The following ADAMTSL1 variants were observed in gnomAD, a reference collection of about 807,000 sequenced individuals.
ADAMTSL1 encodes the protein ADAMTS like 1.
ADAMTSL1 carries 126 observed loss-of-function variants against 201.8 expected under a neutral mutation model. That is an observed-to-expected ratio of 0.62 (90% confidence interval 0.54 to 0.72). The LOEUF (loss-of-function observed/expected upper bound fraction) is 0.72, where lower values mean the gene tolerates loss of function less well. Among genes scored for constraint, ADAMTSL1 ranks in the 30% least tolerant of loss-of-function variants. ADAMTSL1 has a pLI of 0.00. For missense variants in ADAMTSL1, 2,679 were observed against 2,277.8 expected (o/e 1.18, Z -3.59); for synonymous variants, 1,121 against 903.4 (o/e 1.24, Z -4.32).
intron 1 of ADAMTSL1, among the ~76,000 whole-genome samples, chr9:17,940,370 G>C (rs1309068366): frequency 6.6e-6 from 1 of 152,072 alleles, no homozygotes; most frequent in South Asian, 2.1e-4. Context: ...GGAACGGAAA[G>C]GACAAACTTC....
chr9:18,385,975 T>A (rs1359284785), intron 2 of ADAMTSL1, among the ~76,000 whole-genome samples: 3 of 152,200 alleles, frequency 2.0e-5, no homozygotes, highest in African/African-American at 4.8e-5. Flanking sequence ...CAGATGATAG[T>A]AATAATTTTA....
chr9:18,649,585 T>G lies in ADAMTSL1; in HGVS notation c.835-8054T>G, dbSNP rs555581476. Among the ~76,000 whole-genome samples the G allele has an allele frequency of 2.1e-3, 314 of 152,272 alleles. 3 individuals are homozygous for G. The highest frequency in any genetic ancestry group is 6.1e-3 in the African/African-American group (254 of 41,556). ...GTTTTTGGTGTGGATGTCCTTTCTG[T>G]TTGTTAGTTTTCCTTCTAACAGACA... On this transcript the variant is annotated intron_variant, in intron 7 of 28. Transcript: ENST00000380548.
intron 4 of ADAMTSL1, among the ~76,000 whole-genome samples, chr9:18,600,514 G>A (rs935907098): frequency 6.6e-5 from 10 of 152,136 alleles, no homozygotes; most frequent in African/African-American, 2.4e-4. Flanking sequence ...TTAAGCCCCT[G>A]AGAATCTATG....
chr9:18,474,753 C>A (rs1259990971), intron 1 of ADAMTSL1, among the ~76,000 whole-genome samples: 1 of 152,122 alleles, frequency 6.6e-6, no homozygotes, highest in Non-Finnish European at 1.5e-5. Flanking sequence ...ACTATGGAAC[C>A]AGGTAAAGAG....
At chr9:18,485,980 C>T (rs958978535) in intron 1 of ADAMTSL1, among the ~76,000 whole-genome samples, 5 of 152,214 alleles carry the variant, frequency 3.3e-5, no homozygotes, top group African/African-American at 1.2e-4. Context: ...TGTAAGGCTA[C>T]ATAGTTACTG....
intron 1 of ADAMTSL1, among the ~76,000 whole-genome samples, chr9:17,936,314 T>G (rs939592623): frequency 1.3e-5 from 2 of 152,172 alleles, no homozygotes; most frequent in African/African-American, 2.4e-5. Flanking sequence ...ATTTTTAAAT[T>G]ATGACTCTTT....
At chr9:18,893,660 G>A (rs145163445) in intron 26 of ADAMTSL1, among the ~76,000 whole-genome samples, 1 of 152,308 alleles carries the variant, frequency 6.6e-6, no homozygotes, top group East Asian at 1.9e-4. Flanking sequence ...ATTACAGATT[G>A]CAGACAAATA....
chr9:18,220,286 T>A (rs1011510567), intron 2 of ADAMTSL1, among the ~76,000 whole-genome samples: 2 of 152,194 alleles, frequency 1.3e-5, no homozygotes, highest in Non-Finnish European at 2.9e-5. Flanking sequence ...AGCTTATGTT[T>A]TTAAGTACAG....
intron 1 of ADAMTSL1, among the ~76,000 whole-genome samples, chr9:17,991,791 C>A (rs1206663524): frequency 6.6e-6 from 1 of 152,160 alleles, no homozygotes; most frequent in Non-Finnish European, 1.5e-5. Flanking sequence ...TTTCATGTAA[C>A]TTCCTCGATT....
chr9:18,614,550 G>A (rs1047826628), intron 4 of ADAMTSL1, among the ~76,000 whole-genome samples: 1 of 152,114 alleles, frequency 6.6e-6, no homozygotes, highest in Non-Finnish European at 1.5e-5. Context: ...GCAAACACTA[G>A]TTCACATTTC....
intron 2 of ADAMTSL1, among the ~76,000 whole-genome samples, chr9:18,459,320 T>C (rs1052585887): frequency 6.6e-6 from 1 of 152,192 alleles, no homozygotes; most frequent in African/African-American, 2.4e-5. Context: ...TTGTATTTCA[T>C]TGGTCAGACT....
chr9:18,336,984 G>A (rs1003878605), intron 2 of ADAMTSL1, among the ~76,000 whole-genome samples: 1 of 152,088 alleles, frequency 6.6e-6, no homozygotes, highest in East Asian at 1.9e-4. Context: ...AATGCAGTGG[G>A]TTACTGTGAT....
At chr9:18,630,853 G>A (rs533222990) in intron 5 of ADAMTSL1, among the ~76,000 whole-genome samples, 52 of 152,262 alleles carry the variant, frequency 3.4e-4, no homozygotes, top group African/African-American at 1.2e-3. Context: ...CTACGACAAT[G>A]CAGTTAAGCA....
At chr9:18,706,017 A>G (rs1832209779) in intron 13 of ADAMTSL1, among the ~76,000 whole-genome samples, 1 of 152,234 alleles carries the variant, frequency 6.6e-6, no homozygotes, top group Non-Finnish European at 1.5e-5. Context: ...AAGCAAGTTT[A>G]TTAAAGTAAA....
At chr9:18,767,517 G>A (rs971984180) in intron 16 of ADAMTSL1, among the ~76,000 whole-genome samples, 2 of 152,096 alleles carry the variant, frequency 1.3e-5, no homozygotes, top group Non-Finnish European at 2.9e-5. Flanking sequence ...AGAGAAGGTC[G>A]AACCTAAAAA....
chr9:17,972,989 T>TCACC (rs1196261086), intron 1 of ADAMTSL1, among the ~76,000 whole-genome samples: 2 of 149,260 alleles, frequency 1.3e-5, no homozygotes, highest in Admixed American at 6.8e-5. Flanking sequence ...TTCATATCCT[T>TCACC]CACCCACTTT....
At chr9:18,267,265 T>A (rs989226041) in intron 2 of ADAMTSL1, among the ~76,000 whole-genome samples, 3 of 152,158 alleles carry the variant, frequency 2.0e-5, no homozygotes, top group Non-Finnish European at 4.4e-5. Context: ...CATGCAACGA[T>A]TTCTTACTTC....
chr9:18,772,488 G>A (rs1171594116), intron 17 of ADAMTSL1, among the ~76,000 whole-genome samples: 2 of 152,170 alleles, frequency 1.3e-5, no homozygotes, highest in Non-Finnish European at 2.9e-5. Flanking sequence ...GTGTTGTTAA[G>A]AGTTCAGACT....
chr9:18,073,226 A>G (rs1408889105), intron 1 of ADAMTSL1, among the ~76,000 whole-genome samples: 1 of 152,186 alleles, frequency 6.6e-6, no homozygotes, highest in African/African-American at 2.4e-5. Context: ...CCCAAAGTGC[A>G]TGACATACTG....
Sources: allele counts gnomAD v4.1 joint callset (sites outside exome capture counted in the v4.1 genomes callset), GRCh38; gene constraint gnomAD v4.1.1; transcripts MANE v1.5; gene names NCBI Gene and HGNC (gene_info 2026-07-23, HGNC 2026-07-21).